SLC13A4: variants seen among roughly 807,000 people sequenced by gnomAD.
SLC13A4 encodes the protein Na(+)/sulfate cotransporter SUT-1.
Under a neutral mutation model 72.7 loss-of-function variants are expected in SLC13A4, and 28 were observed. That is an observed-to-expected ratio of 0.39 (90% CI 0.29 to 0.53). The LOEUF (loss-of-function observed/expected upper bound fraction) is 0.53, where lower values mean the gene tolerates loss of function less well. Among genes scored for constraint, SLC13A4 ranks in the 20% least tolerant of loss-of-function variants. The pLI is 0.78. For synonymous variants in SLC13A4, 312 were observed against 325.5 expected (o/e 0.96, Z 0.45); for missense variants, 653 against 788.0 (o/e 0.83, Z 2.05).
chr7:135,709,030 C>A (rs1011359521), intron 2 of SLC13A4, among the ~76,000 whole-genome samples: 4 of 148,966 alleles, frequency 2.7e-5, no homozygotes, highest in South Asian at 4.2e-4. Flanking sequence ...CCTGGGTTCA[C>A]GCCATTCTCC....
chr7:135,707,510 A>T (rs1366998044), intron 3 of SLC13A4: 2 of 152,280 alleles, frequency 1.3e-5, no homozygotes, highest in Non-Finnish European at 2.9e-5. Context: ...AGAAAGTTGT[A>T]AACTAGAAGG....
chr7:135,682,971 C>T (rs900488395), intron 15 of SLC13A4, among the ~76,000 whole-genome samples: 18 of 152,084 alleles, frequency 1.2e-4, no homozygotes, highest in African/African-American at 2.7e-4. Context: ...GGAAGTATCA[C>T]GGATGACTTA....
At chr7:135,681,869 C>T (rs555202072) in intron 15 of SLC13A4, among the ~76,000 whole-genome samples, 169 bp from the exon 16 acceptor site, 17 of 152,220 alleles carry the variant, frequency 1.1e-4, no homozygotes, top group South Asian at 4.2e-4. Flanking sequence ...TGTGGAAAGG[C>T]GGGAAAGGGA....
In SLC13A4 at chr7:135,706,197, C is replaced by T; in HGVS notation, c.469G>A (p.Glu157Lys). 2 of 1,614,012 alleles carry T rather than the reference C, an allele frequency of 1.2e-6. No individual in the cohort carries two copies. Among genetic ancestry groups the T allele is most frequent in the East Asian group, 2.2e-5 (1 of 44,880 alleles). ...TGCTCGTCCTCAGCACTGACCAGCTCCTGCAGCACGGCCTCCACGATGGGC... is the reference window on the plus strand; with the variant it reads ...TGCTCGTCCTCAGCACTGACCAGCTTCTGCAGCACGGCCTCCACGATGGGC... The part of the protein sequence containing the change: ...VMPIVEAVLQ[E>K]LVSAEDEQLV... Residue 157 changes from glutamate to lysine, a missense_variant, in exon 4 of 16, where the codon GAG becomes AAG. Coordinates refer to ENST00000682651, the MANE Select transcript of SLC13A4 (RefSeq NM_001318192.2).
intron 15 of SLC13A4, among the ~76,000 whole-genome samples, chr7:135,682,388 G>A (rs1584711486): frequency 6.6e-6 from 1 of 152,360 alleles, no homozygotes; most frequent in East Asian, 1.9e-4. Context: ...ATGGAAAAAT[G>A]TGTCCTGTAA....
chr7:135,710,023 A>T (rs989660306), intron 2 of SLC13A4, among the ~76,000 whole-genome samples: 4 of 152,232 alleles, frequency 2.6e-5, no homozygotes, highest in African/African-American at 9.6e-5. Flanking sequence ...AATATTTGTC[A>T]CATACATGAG....
At chr7:135,710,700 C>T (rs1796281307) in intron 2 of SLC13A4, among the ~76,000 whole-genome samples, 1 of 152,158 alleles carries the variant, frequency 6.6e-6, no homozygotes, top group South Asian at 2.1e-4. Flanking sequence ...ACATCAAAAC[C>T]AAAATAAAGG....
At chr7:135,696,575 A>G (rs1168883554) in intron 8 of SLC13A4, among the ~76,000 whole-genome samples, 1 of 151,246 alleles carries the variant, frequency 6.6e-6, no homozygotes, top group Non-Finnish European at 1.5e-5. Flanking sequence ...CTGGTTTTGA[A>G]CTCCTGACCT....
chr7:135,711,962 GATTTTTTTTT>G (rs1796313304), intron 2 of SLC13A4, among the ~76,000 whole-genome samples: 1 of 59,630 alleles, frequency 1.7e-5, no homozygotes, highest in South Asian at 6.5e-4. Flanking sequence ...AATGTTTTTG[GATTTTTTTTT>G]TTTTTTTTTT....
chr7:135,708,323 G>A lies in SLC13A4; in HGVS notation c.229-73C>T, dbSNP rs576099098. Reference sequence around the variant, plus strand: ...AGGGCCCAGCACCAGCTGGGAGAATGGGCCATACCCAATAAAACCTGTTCT... The same window carrying A: ...AGGGCCCAGCACCAGCTGGGAGAATAGGCCATACCCAATAAAACCTGTTCT... On this transcript the variant is annotated intron_variant, in intron 2 of 15. Coordinates refer to ENST00000682651, the MANE Select transcript of SLC13A4 (RefSeq NM_001318192.2). 7 of 1,590,342 alleles carry A rather than the reference G, an allele frequency of 4.4e-6. No individual in the cohort carries two copies. In the Admixed American group the frequency reaches 1.2e-4, roughly 28 times the overall value.
intron 2 of SLC13A4, 133 bp downstream of exon 2, chr7:135,721,262 G>T: frequency 9.6e-7 from 1 of 1,044,748 alleles, no homozygotes; most frequent in Non-Finnish European, 1.4e-6. Flanking sequence ...AAAGCTTAGT[G>T]TTAAGGGGTC....
chr7:135,711,963 A>ATTTTTTTTTTTTTTTTTTTTTT (rs529940903), intron 2 of SLC13A4, among the ~76,000 whole-genome samples: 1 of 46,886 alleles, frequency 2.1e-5, no homozygotes, highest in Non-Finnish European at 4.0e-5. Flanking sequence ...ATGTTTTTGG[A>ATTTTTTTTTTTTTTTTTTTTTT]TTTTTTTTTT....
chr7:135,694,588 T>C (rs1307404975), intron 9 of SLC13A4, among the ~76,000 whole-genome samples: 1 of 152,240 alleles, frequency 6.6e-6, no homozygotes, highest in Non-Finnish European at 1.5e-5. Flanking sequence ...TATATGTGTC[T>C]AGATGTATAA....
intron 2 of SLC13A4, among the ~76,000 whole-genome samples, chr7:135,708,784 T>C (rs1359798465): frequency 1.3e-5 from 2 of 152,092 alleles, no homozygotes; most frequent in Admixed American, 6.5e-5. Flanking sequence ...TAAATACTTA[T>C]AGTTTCTTCC....
rs61677714 is a variant in SLC13A4, at chr7:135,683,296, C to CAA, written c.1746+826_1746+827dup. On this transcript the variant is annotated intron_variant, in intron 15 of 15. Transcript: ENST00000682651. The stretch of plus-strand genomic sequence containing the variant: ...CCTGGGTGAGAGTGAGATTCTGTCT[C>CAA]AAAAAAAAAAAAAAAAAAAAAAAAA... The CAA allele has an allele frequency of 2.6e-3, 448 of 169,364 alleles. 5 individuals carry two copies. Among genetic ancestry groups the CAA allele is most frequent in the Admixed American group, 7.5e-3 (12 of 1,604 alleles). 10.5% of individuals were successfully genotyped at this position (169,364 alleles called of 1,614,324 possible). A position where few individuals can be genotyped will look rare whatever the true frequency, so the allele number is the denominator to read the frequency against.
In SLC13A4 at chr7:135,723,944, C is replaced by G. The variant is rs981441094; in HGVS notation, c.100-2421G>C. Among the ~76,000 whole-genome samples, 4 of 152,152 alleles carry G rather than the reference C, an allele frequency of 2.6e-5. No individual in the cohort carries two copies. In the South Asian group the frequency reaches 6.2e-4, roughly 24 times the overall value. ...AAGAGGCTCCACTTGGAAACAAATT[C>G]AATTTAGAGAAATACCCTGTTTGCT... On this transcript the variant is annotated intron_variant, in intron 1 of 15. Coordinates refer to ENST00000682651, the MANE Select transcript of SLC13A4 (RefSeq NM_001318192.2).
chr7:135,706,191 C>A lies in SLC13A4; in HGVS notation c.475G>T (p.Val159Phe), dbSNP rs1303473990. The stretch of plus-strand genomic sequence containing the variant: ...ACGAGCTGCTCGTCCTCAGCACTGA[C>A]CAGCTCCTGCAGCACGGCCTCCACG... ...PIVEAVLQEL[V>F]SAEDEQLVAG... Residue 159 changes from valine to phenylalanine, a missense_variant, in exon 4 of 16, where the codon GTC becomes TTC. By Grantham distance (50) the Val-to-Phe change is conservative. Coordinates refer to ENST00000682651, the MANE Select transcript of SLC13A4 (RefSeq NM_001318192.2). 1.2e-6 allele frequency: 2 copies of A among 1,613,978 alleles called. No individual in the cohort carries two copies. The highest frequency in any genetic ancestry group is 1.7e-6 in the Non-Finnish European group (2 of 1,179,848).
intron 13 of SLC13A4, among the ~76,000 whole-genome samples, chr7:135,688,522 G>GC (rs1795691881): frequency 1.3e-5 from 2 of 152,188 alleles, no homozygotes. Context: ...CTCCTTAAGT[G>GC]CTGGGATTAC....
chr7:135,701,668 C>T lies in SLC13A4; in HGVS notation c.714+12G>A. On this transcript the variant is annotated intron_variant, in intron 7 of 15. Transcript: ENST00000682651. ...ATGTAGGAAACAGAGCTAGAAGGGG[C>T]CGTTCTATTACCTGGGATGGGTGTT... The T allele has an allele frequency of 6.2e-7, 1 of 1,612,966 alleles. No individual in the cohort carries two copies. The highest frequency in any genetic ancestry group is 1.1e-5 in the South Asian group (1 of 90,926).
Sources: allele counts gnomAD v4.1 joint callset (sites outside exome capture counted in the v4.1 genomes callset), GRCh38; gene constraint gnomAD v4.1.1; transcripts MANE v1.5; gene names NCBI Gene and HGNC (gene_info 2026-07-23, HGNC 2026-07-21).